The following SI variants were observed in gnomAD, a reference collection of about 807,000 sequenced individuals.
SI encodes the protein sucrase-isomaltase.
SI carries 235 observed loss-of-function variants against 253.3 expected under a neutral mutation model. That is an observed-to-expected ratio of 0.93 (90% CI 0.83 to 1.03). SI has a LOEUF of 1.03. SI is among the 50% of genes least tolerant of loss of function. SI has a pLI of 0.00. For synonymous variants in SI, 819 were observed against 712.0 expected (o/e 1.15, Z -2.39); for missense variants, 2,442 against 2,211.1 (o/e 1.10, Z -2.09).
chr3:165,040,440 A>T (rs1055715952), intron 18 of SI, among the ~76,000 whole-genome samples: 3 of 152,070 alleles, frequency 2.0e-5, no homozygotes, highest in Non-Finnish European at 1.5e-5. Context: ...TTCATAAAGT[A>T]TCGGAAATCT....
chr3:165,040,991 A>G lies in SI; in HGVS notation c.2108T>C (p.Phe703Ser). 6.2e-7 allele frequency: 1 copy of G among 1,612,766 alleles called. No individual in the cohort carries two copies. Among genetic ancestry groups the G allele is most frequent in the Non-Finnish European group, 8.5e-7 (1 of 1,179,080 alleles). The change falls in exon 18 of 48, where the codon TTT (phenylalanine) becomes TCT (serine). Residue 703 changes from phenylalanine to serine, a missense_variant. By Grantham distance (155) the Phe-to-Ser change is radical. Transcript: ENST00000264382. ...YTLLPFLYTL[F>S]YKAHVFGETV... ...TTCTCCAAACACATGGGCTTTATAAAACAGAGTGTAGAGGAAGGGTAATAA... is the reference window on the plus strand; with the variant it reads ...TTCTCCAAACACATGGGCTTTATAAGACAGAGTGTAGAGGAAGGGTAATAA...
At chr3:165,069,012 A>AT in intron 4 of SI, 66 bp downstream of exon 4, 1 of 1,162,020 alleles carries the variant, frequency 8.6e-7, no homozygotes, top group South Asian at 1.2e-5. Flanking sequence ...TATTTAAGGT[A>AT]TTTTCCACAT....
intron 41 of SI, among the ~76,000 whole-genome samples, chr3:164,993,718 T>C (rs7641009): frequency 0.052 from 7,865 of 151,788 alleles, 683 homozygotes; most frequent in African/African-American, 0.18. Flanking sequence ...ATATGCTCCA[T>C]GAAATAGAAT....
At chr3:164,987,537 C>T (rs560011042) in intron 44 of SI, among the ~76,000 whole-genome samples, 7 of 152,198 alleles carry the variant, frequency 4.6e-5, no homozygotes, top group Non-Finnish European at 8.8e-5. Flanking sequence ...GGGGAAACTC[C>T]GTCTCTACTA....
intron 2 of SI, 146 bp from the exon 3 acceptor site, chr3:165,074,813 A>C: frequency 1.5e-6 from 1 of 646,458 alleles, no homozygotes; most frequent in South Asian, 2.0e-5. Flanking sequence ...AAAAAGACCC[A>C]CAATTTCAAG....
intron 7 of SI, among the ~76,000 whole-genome samples, chr3:165,064,844 T>C (rs371532952): frequency 1.3e-5 from 2 of 152,142 alleles, no homozygotes; most frequent in East Asian, 1.9e-4. Context: ...CTATATATTA[T>C]AGAACAGTAA....
intron 5 of SI, 42 bp downstream of exon 5, chr3:165,068,680 T>A: frequency 7.0e-7 from 1 of 1,430,258 alleles, no homozygotes; most frequent in Non-Finnish European, 9.9e-7. Context: ...GCCCATCAAA[T>A]GTCTTTTAGT....
chr3:165,042,384 T>C (rs1308645007), intron 17 of SI, among the ~76,000 whole-genome samples: 1 of 152,096 alleles, frequency 6.6e-6, no homozygotes, highest in Admixed American at 6.6e-5. Flanking sequence ...AACGGTTTCT[T>C]AACCAACAGA....
upstream of SI, among the ~76,000 whole-genome samples, chr3:165,082,183 T>G (rs1302560189): frequency 6.6e-6 from 1 of 151,950 alleles, no homozygotes; most frequent in Non-Finnish European, 1.5e-5. Flanking sequence ...CTATCTCAAT[T>G]GATATCTTTA....
chr3:164,988,394 T>C (rs1717544023), intron 44 of SI, among the ~76,000 whole-genome samples: 1 of 152,168 alleles, frequency 6.6e-6, no homozygotes, highest in Admixed American at 6.5e-5. Flanking sequence ...AACCTGCAAT[T>C]TCCCAACATA....
intron 6 of SI, 26 bp from the exon 7 acceptor site, chr3:165,065,458 T>C (rs761611505): frequency 6.6e-6 from 4 of 604,558 alleles, no homozygotes; most frequent in Non-Finnish European, 1.0e-5. Context: ...AATAAAGAAA[T>C]AATCTAATAT....
intron 16 of SI, among the ~76,000 whole-genome samples, chr3:165,043,390 T>C (rs1027628577): frequency 1.2e-4 from 18 of 152,186 alleles, no homozygotes; most frequent in Non-Finnish European, 2.4e-4. Context: ...TGTCCCTTTA[T>C]GCATTTTCTT....
Position 164,979,417 on chromosome 3 carries a change from T to A in SI, c.5429A>T (p.Asp1810Val). 6.5e-7 allele frequency: 1 copy of A among 1,546,228 alleles called. No individual in the cohort carries two copies. The highest frequency in any genetic ancestry group is 8.9e-7 in the Non-Finnish European group (1 of 1,119,822). The change falls in exon 48 of 48, where the codon GAT becomes GTT. Residue 1810 changes from aspartate (D) to valine (V), a missense_variant. Coordinates refer to ENST00000264382, the MANE Select transcript of SI (RefSeq NM_001041.4). ...EDTTNMILRI[D>V]LTTHNVTLEE... The stretch of plus-strand genomic sequence containing the variant: ...TAGAGTAACATTGTGTGTGGTCAGA[T>A]CAATACGTAATATCTAAAAAAGTAA...
In SI at chr3:165,017,757, A is replaced by G; in HGVS notation, c.3633+4T>C. On this transcript the variant is annotated splice_donor_region_variant and intron_variant, in intron 30 of 47. Transcript: ENST00000264382. ...ATTTTTTTAAAAGAAATATGCAATC[A>G]TACTTCATGGTATTGCTTTGTTGCA... The G allele has an allele frequency of 6.2e-7, 1 of 1,608,272 alleles. No individual in the cohort carries two copies. The highest frequency in any genetic ancestry group is 8.5e-7 in the Non-Finnish European group (1 of 1,175,482).
chr3:165,017,931 C>T, intron 29 of SI, 39 bp downstream of exon 29: 1 of 1,579,704 alleles, frequency 6.3e-7, no homozygotes, highest in Non-Finnish European at 8.7e-7. Context: ...ATGAAAAAGT[C>T]ACATAAAATA....
rs1714177147 is a variant in SI, at chr3:165,065,258, T to A, written c.807+3A>T. ...ATTTATAACAAGAAAAATAATTTCT[T>A]ACATCACCAGGAAGTTGGTCTCGAG... On this transcript the variant is annotated splice_donor_region_variant and intron_variant, in intron 7 of 47. Transcript: ENST00000264382. 6.3e-7 allele frequency: 1 copy of A among 1,578,850 alleles called. No homozygotes were observed. Among genetic ancestry groups the A allele is most frequent in the African/African-American group, 1.4e-5 (1 of 74,060 alleles).
In SI at chr3:165,059,041, TG is replaced by T. The variant is rs2108248393; in HGVS notation, c.1319del (p.Thr440AsnfsTer15). On this transcript the variant is annotated frameshift_variant, in exon 12 of 48. Transcript: ENST00000264382. LOFTEE classifies it high-confidence loss of function. Reference protein sequence around the residue: ...ISIGRRANGTTYATYERGNTQ... With the variant: ...ISIGRRANGTXYATYERGNTQ... ...TGTTTCCCCTCTCATAGGTTGCATATGTTGTTCCATTGGCACGTCGACCTAT... is the reference window on the plus strand; with the variant it reads ...TGTTTCCCCTCTCATAGGTTGCATATTTGTTCCATTGGCACGTCGACCTAT... 1 of 1,612,616 alleles carries T rather than the reference TG, an allele frequency of 6.2e-7. No individual in the cohort carries two copies. The highest frequency in any genetic ancestry group is 1.3e-5 in the African/African-American group (1 of 74,976).
At chr3:165,011,064 A>G (rs949592426) in intron 34 of SI, among the ~76,000 whole-genome samples, 3 of 152,280 alleles carry the variant, frequency 2.0e-5, no homozygotes, top group African/African-American at 7.2e-5. Context: ...TAAAAGAAGG[A>G]TCACCAACTC....
At chr3:164,990,118 C>T (rs1717659811) in intron 44 of SI, among the ~76,000 whole-genome samples, 1 of 152,030 alleles carries the variant, frequency 6.6e-6, no homozygotes, top group African/African-American at 2.4e-5. Context: ...AACAAATGTG[C>T]TACTTTTACG....
Sources: gnomAD v4.1 joint callset for allele counts (sites outside exome capture counted in the v4.1 genomes callset) on GRCh38, gnomAD v4.1.1 for gene constraint, MANE v1.5 for transcripts, NCBI Gene and HGNC (gene_info 2026-07-23, HGNC 2026-07-21) for gene names.